KIF1A: variants seen among roughly 807,000 people sequenced by gnomAD.
KIF1A encodes the protein kinesin-like protein KIF1A.
Under a neutral mutation model 227.3 loss-of-function variants are expected in KIF1A, and 46 were observed. The ratio of observed to expected loss-of-function variants is 0.20; its 90% CI spans 0.16 to 0.26. The LOEUF (loss-of-function observed/expected upper bound fraction) is 0.26, where lower values mean the gene tolerates loss of function less well. Ranked by LOEUF, KIF1A falls within the 10% of genes least tolerant of loss-of-function variation. The pLI is 1.00. For missense variants in KIF1A, 1,683 were observed against 2,485.9 expected (o/e 0.68, Z 6.87); for synonymous variants, 1,022 against 1,012.8 (o/e 1.01, Z -0.17).
At chr2:240,762,229 C>A (rs764382426) in intron 23 of KIF1A, among the ~76,000 whole-genome samples, 10 of 152,240 alleles carry the variant, frequency 6.6e-5, no homozygotes, top group Non-Finnish European at 1.3e-4. Flanking sequence ...CCACCTCTGC[C>A]CACAGCTGCG....
intron 28 of KIF1A, among the ~76,000 whole-genome samples, chr2:240,747,956 G>A (rs984885341): frequency 3.9e-5 from 6 of 152,238 alleles, no homozygotes; most frequent in East Asian, 1.9e-4. Flanking sequence ...CCCGGGTCAC[G>A]GGCAGGGCTG....
chr2:240,747,424 G>A (rs2048735011), intron 28 of KIF1A, 103 bp from the exon 29 acceptor site: 1 of 815,222 alleles, frequency 1.2e-6, no homozygotes, highest in Non-Finnish European at 2.0e-6. Context: ...GAGGGCACAG[G>A]AGCCAGAGCA....
chr2:240,769,773 C>CG (rs2125941285), intron 15 of KIF1A, 67 bp from the exon 16 acceptor site: 1 of 1,348,664 alleles, frequency 7.4e-7, no homozygotes, highest in Non-Finnish European at 1.0e-6. Flanking sequence ...AATGGAGACA[C>CG]GGGTGCCAGG....
chr2:240,771,158 T>C (rs1326804443), intron 14 of KIF1A, 54 bp from the exon 15 acceptor site: 1 of 1,611,916 alleles, frequency 6.2e-7, no homozygotes, highest in African/African-American at 1.3e-5. Flanking sequence ...GTTAAGGTTA[T>C]TGTTCTCAAG....
At position 240,739,043 on chromosome 2, in the gene KIF1A, T is replaced by A. The variant is rs140960986; in HGVS notation, c.3901+1015A>T. On this transcript the variant is annotated intron_variant, in intron 37 of 48. Coordinates refer to ENST00000498729, the MANE Select transcript of KIF1A (RefSeq NM_001244008.2). This position sits in a 1 kb window ranked among gnomAD's most constrained non-coding sequence, Gnocchi z 5.6. ...CTGAAAGGAGGGTTTGGGTGCTTGTTCCATGACTTTCTGATTCATGTGAAA... is the reference window on the plus strand; with the variant it reads ...CTGAAAGGAGGGTTTGGGTGCTTGTACCATGACTTTCTGATTCATGTGAAA... 6.6e-6 allele frequency among the ~76,000 whole-genome samples: 1 copy of A among 152,262 alleles called. No individual in the cohort carries two copies. The highest frequency in any genetic ancestry group is 2.4e-5 in the African/African-American group (1 of 41,464).
rs2047753393 is a variant in KIF1A at position 240,739,917 on chromosome 2, C to G, written c.3901+141G>C. The G allele has an allele frequency of 4.6e-6, 3 of 652,428 alleles. No homozygotes were observed. Among genetic ancestry groups the G allele is most frequent in the Non-Finnish European group, 8.2e-6 (3 of 365,306 alleles). 40.4% of individuals were successfully genotyped at this position (652,428 alleles called of 1,614,324 possible). On this transcript the variant is annotated intron_variant, in intron 37 of 48. Coordinates refer to ENST00000498729, the MANE Select transcript of KIF1A (RefSeq NM_001244008.2). The surrounding 1 kb of genome is among the most constrained non-coding windows in gnomAD (Gnocchi z 5.6). ...CCTTTTCAGGTGAGGAAGTGAGTCA[C>G]AGAGAGATTATGTGACCCGGCCAGG...
intron 27 of KIF1A, among the ~76,000 whole-genome samples, chr2:240,756,386 A>G (rs1389240633): frequency 1.3e-5 from 2 of 152,162 alleles, no homozygotes; most frequent in Non-Finnish European, 2.9e-5. Context: ...TCTTTCCTTC[A>G]CCTGACTTCC....
chr2:240,809,087 C>A (rs888663000), intron 1 of KIF1A, among the ~76,000 whole-genome samples: 1 of 152,156 alleles, frequency 6.6e-6, no homozygotes, highest in African/African-American at 2.4e-5. Flanking sequence ...TGCGGAAAAT[C>A]TAAATAAATG....
At chr2:240,727,259 A>AG (rs1459562641) in intron 38 of KIF1A, among the ~76,000 whole-genome samples, 2 of 152,198 alleles carry the variant, frequency 1.3e-5, no homozygotes, top group East Asian at 3.9e-4. Flanking sequence ...AAGGGCAGAG[A>AG]GGGAAGGGAG....
rs558787645 is a variant in KIF1A, at chr2:240,778,002, C to A, written c.883-2076G>T. Among the ~76,000 whole-genome samples the A allele has an allele frequency of 6.6e-6, 1 of 152,240 alleles. No homozygotes were observed. On this transcript the variant is annotated intron_variant, in intron 10 of 48. Transcript: ENST00000498729. This position sits in a 1 kb window ranked among gnomAD's most constrained non-coding sequence, Gnocchi z 7.2. ...ACTCAGTCCCTCAAGGAGCTCTCGC[C>A]GTTCCCCGCACGGTTCCCACGCGGC...
rs1426984408 is a variant in KIF1A, at chr2:240,788,031, GC to G, written c.363+19del. 38 of 667,254 alleles carry G rather than the reference GC, an allele frequency of 5.7e-5. 1 individual carries two copies. The highest frequency in any genetic ancestry group is 8.4e-5 in the Non-Finnish European group (38 of 453,948). 41.3% of individuals were successfully genotyped at this position (667,254 alleles called of 1,614,324 possible). ...CGCCCCATCTGCCAGGGCTGCCCCCGCCCGCCCCCCGCTTCGTGCCTGTGGG... is the reference window on the plus strand; with the variant it reads ...CGCCCCATCTGCCAGGGCTGCCCCCGCCGCCCCCCGCTTCGTGCCTGTGGG... On this transcript the variant is annotated intron_variant, in intron 4 of 48. Coordinates refer to ENST00000498729, the MANE Select transcript of KIF1A (RefSeq NM_001244008.2). The surrounding 1 kb of genome is among the most constrained non-coding windows in gnomAD (Gnocchi z 6.6).
At chr2:240,770,277 C>T (rs1181665702) in intron 15 of KIF1A, among the ~76,000 whole-genome samples, 1 of 152,242 alleles carries the variant, frequency 6.6e-6, no homozygotes. Context: ...TGTCTAGAAA[C>T]CTAAAATGAT....
At chr2:240,781,435 ACACACACACACACACACACACACAGCTC>A (rs1559524217) in intron 10 of KIF1A, among the ~76,000 whole-genome samples, 670 of 42,948 alleles carry the variant, frequency 0.016, 15 homozygotes, top group African/African-American at 0.019. Context: ...ACAGCTCCAC[ACACACACACACACACACACACACAGCTC>A]CACACACACA....
intron 14 of KIF1A, 73 bp from the exon 15 acceptor site, chr2:240,771,177 C>G: frequency 6.3e-7 from 1 of 1,592,548 alleles, no homozygotes. Flanking sequence ...AGGTCGGACA[C>G]GTCTATGGGG....
At chr2:240,756,438 C>T (rs1230201922) in intron 27 of KIF1A, among the ~76,000 whole-genome samples, 1 of 152,252 alleles carries the variant, frequency 6.6e-6, no homozygotes, top group Non-Finnish European at 1.5e-5. Context: ...GCCAAATCTG[C>T]CAGCAGGGTG....
At position 240,726,258 on chromosome 2, in the gene KIF1A, T is replaced by C. The variant is rs907823167; in HGVS notation, c.4122+568A>G. On this transcript the variant is annotated intron_variant, in intron 39 of 48. Coordinates refer to ENST00000498729, the MANE Select transcript of KIF1A (RefSeq NM_001244008.2). This position sits in a 1 kb window ranked among gnomAD's most constrained non-coding sequence, Gnocchi z 5.2. ...AATGTCTGGTGGTGCTGCAGCCATC[T>C]TGCATCCCAAGGACAACACCCACAC... Among the ~76,000 whole-genome samples the C allele has an allele frequency of 1.2e-4, 18 of 152,248 alleles. No homozygotes were observed. Among genetic ancestry groups the C allele is most frequent in the Admixed American group, 2.0e-4 (3 of 15,294 alleles).
chr2:240,715,331 A>G lies in KIF1A; in HGVS notation c.*2033T>C, dbSNP rs1325402951. 6.6e-6 allele frequency: 1 copy of G among 152,394 alleles called. No homozygotes were observed. The highest frequency in any genetic ancestry group is 1.5e-5 in the Non-Finnish European group (1 of 68,050). 9.4% of individuals were successfully genotyped at this position (152,394 alleles called of 1,614,324 possible). On this transcript the variant is annotated 3_prime_UTR_variant, in exon 49 of 49. Coordinates refer to ENST00000498729, the MANE Select transcript of KIF1A (RefSeq NM_001244008.2). ...TGAATCCTCACCTGGGAGATTTCCA[A>G]AGAAAGCTGCTGTGTCCTGTGTCCT...
At chr2:240,806,474 A>C (rs1025031391) in intron 1 of KIF1A, among the ~76,000 whole-genome samples, 9 of 152,340 alleles carry the variant, frequency 5.9e-5, no homozygotes, top group African/African-American at 2.2e-4. Flanking sequence ...TATTCCGTGG[A>C]GACCCTGGAG....
At chr2:240,811,247 C>T (rs1187122544) in intron 1 of KIF1A, among the ~76,000 whole-genome samples, 1 of 152,058 alleles carries the variant, frequency 6.6e-6, no homozygotes, top group African/African-American at 2.4e-5. Context: ...CACCCATAAT[C>T]CCAGCTACTT....
Sources: allele counts gnomAD v4.1 joint callset (sites outside exome capture counted in the v4.1 genomes callset), GRCh38; gene constraint gnomAD v4.1.1; non-coding constraint Gnocchi (gnomAD v3.1); transcripts MANE v1.5; gene names NCBI Gene and HGNC (gene_info 2026-07-23, HGNC 2026-07-21).